The following EPHA7 variants were observed in gnomAD, a reference collection of about 807,000 sequenced individuals.
EPHA7 encodes the protein EPH receptor A7.
A neutral mutation model predicts 112.6 loss-of-function variants in EPHA7; 25 were observed. The ratio of observed to expected loss-of-function variants is 0.22; its 90% CI spans 0.16 to 0.31. The LOEUF (loss-of-function observed/expected upper bound fraction) is 0.31. Ranked by LOEUF, EPHA7 falls within the 10% of genes least tolerant of loss-of-function variation. The pLI is 1.00. For missense variants in EPHA7, 962 were observed against 1,212.6 expected (o/e 0.79, Z 3.07); for synonymous variants, 437 against 406.5 (o/e 1.07, Z -0.90).
intron 3 of EPHA7, among the ~76,000 whole-genome samples, chr6:93,396,685 G>C (rs1562154551): frequency 6.6e-6 from 1 of 151,780 alleles, no homozygotes; most frequent in Non-Finnish European, 1.5e-5. Flanking sequence ...ACATGCAGTT[G>C]TAACTCAGCT....
Position 93,248,403 on chromosome 6 carries a change from T to G in EPHA7, c.2533-1418A>C, listed in dbSNP as rs188938896. The stretch of plus-strand genomic sequence containing the variant: ...CTAACTCTAAAGTTTAAAAAGTAAA[T>G]AGATGGACTTAGTTATAGTAATTTT... On this transcript the variant is annotated intron_variant, in intron 14 of 16. Coordinates refer to ENST00000369303, the MANE Select transcript of EPHA7 (RefSeq NM_004440.4). 2.2e-3 allele frequency among the ~76,000 whole-genome samples: 338 copies of G among 152,154 alleles called. 1 individual carries two copies. Among genetic ancestry groups the G allele is most frequent in the Non-Finnish European group, 4.0e-3 (275 of 67,990 alleles).
At chr6:93,299,463 A>T (rs1772859228) in intron 5 of EPHA7, among the ~76,000 whole-genome samples, 1 of 152,186 alleles carries the variant, frequency 6.6e-6, no homozygotes, top group Non-Finnish European at 1.5e-5. Flanking sequence ...TTTAGCTATT[A>T]TTTAAAAAGA....
chr6:93,297,124 A>T (rs1387262334), intron 5 of EPHA7, among the ~76,000 whole-genome samples: 2 of 152,026 alleles, frequency 1.3e-5, no homozygotes, highest in Non-Finnish European at 2.9e-5. Context: ...TTCATTGGTC[A>T]CCATTCATTT....
At chr6:93,415,774 C>T (rs527579701) in intron 1 of EPHA7, among the ~76,000 whole-genome samples, 2 of 151,986 alleles carry the variant, frequency 1.3e-5, no homozygotes, top group Non-Finnish European at 2.9e-5. Context: ...TGTCAATAGG[C>T]TTAACATCAG....
chr6:93,409,030 T>C (rs1320985437), intron 3 of EPHA7, among the ~76,000 whole-genome samples: 1 of 152,004 alleles, frequency 6.6e-6, no homozygotes, highest in African/African-American at 2.4e-5. Flanking sequence ...AACTTTTACT[T>C]ACAGCACATC....
intron 5 of EPHA7, among the ~76,000 whole-genome samples, chr6:93,330,205 TTGATA>T (rs1774523600): frequency 6.6e-6 from 1 of 151,402 alleles, no homozygotes; most frequent in Non-Finnish European, 1.5e-5. Flanking sequence ...CAGTGATATT[TTGATA>T]TAAGTATAGA....
chr6:93,406,233 T>C (rs1778714091), intron 3 of EPHA7, among the ~76,000 whole-genome samples: 1 of 151,682 alleles, frequency 6.6e-6, no homozygotes, highest in African/African-American at 2.4e-5. Context: ...GTAATGCAAG[T>C]AAATCACATT....
At chr6:93,256,128 G>C in intron 12 of EPHA7, 91 bp from the exon 13 acceptor site, 1 of 1,144,536 alleles carries the variant, frequency 8.7e-7, no homozygotes, top group Non-Finnish European at 1.3e-6. Flanking sequence ...CTAGCAATTT[G>C]CTATTGTATA....
In EPHA7 at chr6:93,269,482, A is replaced by G; in HGVS notation, c.1628T>C (p.Phe543Ser). Reference sequence around the variant, plus strand: ...CAAACCAAAGGCATAATTACCTTCAAACATTTTACCTGTAGCTTCCTCTAG... The same window carrying G: ...CAAACCAAAGGCATAATTACCTTCAGACATTTTACCTGTAGCTTCCTCTAG... ...ATLEEATGKM[F>S]EATAVSSEQN... Residue 543 changes from phenylalanine to serine, a missense_variant, in exon 7 of 17, where the codon TTT (phenylalanine) becomes TCT (serine). By Grantham distance (155) the Phe-to-Ser change is radical. This residue lies in a region of EPHA7 where 746 missense variants were observed against 889.2 expected (regional missense o/e 0.84). Transcript: ENST00000369303. 6.2e-7 allele frequency: 1 copy of G among 1,610,304 alleles called. No homozygotes were observed. The highest frequency in any genetic ancestry group is 8.5e-7 in the Non-Finnish European group (1 of 1,177,700).
At chr6:93,412,473 T>C (rs601815) in intron 2 of EPHA7, among the ~76,000 whole-genome samples, 75,622 of 151,942 alleles carry the variant, frequency 0.5, 19,129 homozygotes, top group East Asian at 0.68. Flanking sequence ...GATGATGTTA[T>C]ATATTTGGTG....
intron 5 of EPHA7, among the ~76,000 whole-genome samples, chr6:93,301,348 A>T (rs1258141036): frequency 6.6e-6 from 1 of 152,148 alleles, no homozygotes; most frequent in African/African-American, 2.4e-5. Context: ...TACTTAAAAT[A>T]TTTTTGTGTT....
intron 5 of EPHA7, among the ~76,000 whole-genome samples, chr6:93,347,988 C>T (rs541757111): frequency 6.6e-5 from 10 of 151,778 alleles, no homozygotes; most frequent in East Asian, 3.9e-4. Context: ...AAATATGAGA[C>T]GCAACTTAAA....
chr6:93,356,324 CA>C (rs1775944350), intron 5 of EPHA7, among the ~76,000 whole-genome samples: 1 of 151,986 alleles, frequency 6.6e-6, no homozygotes, highest in African/African-American at 2.4e-5. Flanking sequence ...TCTCCTGCCT[CA>C]GCCTCTCAAG....
chr6:93,337,250 G>C (rs971593769), intron 5 of EPHA7, among the ~76,000 whole-genome samples: 5 of 152,198 alleles, frequency 3.3e-5, no homozygotes, highest in Non-Finnish European at 5.9e-5. Flanking sequence ...GTGATCAAAA[G>C]CAAGGTTCCA....
intron 5 of EPHA7, among the ~76,000 whole-genome samples, chr6:93,348,875 G>A (rs1184774068): frequency 2.3e-5 from 2 of 86,938 alleles, no homozygotes; most frequent in Non-Finnish European, 4.5e-5. Context: ...TATGATCAAA[G>A]GTACCGCCAT....
chr6:93,301,483 T>C (rs1182770520), intron 5 of EPHA7, among the ~76,000 whole-genome samples: 1 of 152,190 alleles, frequency 6.6e-6, no homozygotes, highest in Non-Finnish European at 1.5e-5. Context: ...GTAAAATCTG[T>C]ATAAATCCAT....
intron 5 of EPHA7, among the ~76,000 whole-genome samples, chr6:93,340,480 A>G (rs1775086094): frequency 6.6e-6 from 1 of 151,896 alleles, no homozygotes; most frequent in Admixed American, 6.6e-5. Flanking sequence ...CACCGAAATG[A>G]TGCTCAAAGG....
chr6:93,325,877 A>G (rs1774294431), intron 5 of EPHA7, among the ~76,000 whole-genome samples: 1 of 151,416 alleles, frequency 6.6e-6, no homozygotes, highest in South Asian at 2.1e-4. Context: ...AATGGTTATC[A>G]TCAAACACAG....
chr6:93,323,012 T>C (rs1422819173), intron 5 of EPHA7, among the ~76,000 whole-genome samples: 1 of 151,560 alleles, frequency 6.6e-6, no homozygotes, highest in Non-Finnish European at 1.5e-5. Context: ...TTTATTAATA[T>C]GGTATTCAAA....
Sources: allele counts gnomAD v4.1 joint callset (sites outside exome capture counted in the v4.1 genomes callset), GRCh38; gene constraint gnomAD v4.1.1; regional missense constraint gnomAD v4.1.1; transcripts MANE v1.5; gene names NCBI Gene and HGNC (gene_info 2026-07-23, HGNC 2026-07-21).